RGS7: variants seen among roughly 807,000 people sequenced by gnomAD.
RGS7 encodes the protein regulator of G-protein signaling 7.
A neutral mutation model predicts 81.1 loss-of-function variants in RGS7; 27 were observed. The ratio of observed to expected loss-of-function variants is 0.33; its 90% confidence interval spans 0.25 to 0.46. RGS7 has a LOEUF of 0.46. Among genes scored for constraint, RGS7 ranks in the 20% least tolerant of loss-of-function variants. RGS7 has a pLI of 1.00. For synonymous variants in RGS7, 208 were observed against 207.7 expected (o/e 1.00, Z -0.01); for missense variants, 396 against 607.4 (o/e 0.65, Z 3.66).
At chr1:241,141,747 G>A (rs2067937624) in intron 2 of RGS7, among the ~76,000 whole-genome samples, 1 of 152,066 alleles carries the variant, frequency 6.6e-6, no homozygotes, top group Admixed American at 6.5e-5. Context: ...GATTTGGGTG[G>A]GGATACAGAC....
At chr1:241,085,571 C>T (rs181636486) in intron 3 of RGS7, among the ~76,000 whole-genome samples, 37 of 151,668 alleles carry the variant, frequency 2.4e-4, no homozygotes, top group East Asian at 1.2e-3. Flanking sequence ...ATTATAGGCC[C>T]GCACCATCAT....
chr1:240,882,161 C>G (rs916458716), intron 6 of RGS7, among the ~76,000 whole-genome samples: 1 of 152,126 alleles, frequency 6.6e-6, no homozygotes, highest in African/African-American at 2.4e-5. Flanking sequence ...GTGATCCACC[C>G]GCCTTGGCCT....
At chr1:241,017,684 GGATGTTCTTCTATAGTTTAAGT>G (rs2059331835) in intron 3 of RGS7, among the ~76,000 whole-genome samples, 1 of 151,960 alleles carries the variant, frequency 6.6e-6, no homozygotes, top group Non-Finnish European at 1.5e-5. Flanking sequence ...TAATTCTTAT[GGATGTTCTTCTATAGTTTAAGT>G]GATTTCTATC....
intron 2 of RGS7, among the ~76,000 whole-genome samples, chr1:241,231,311 C>T (rs754831125): frequency 6.6e-6 from 1 of 152,038 alleles, no homozygotes; most frequent in Admixed American, 6.5e-5. Flanking sequence ...ATTAATAGTA[C>T]CCCCTCTAGT....
intron 2 of RGS7, among the ~76,000 whole-genome samples, chr1:241,246,688 G>A (rs1356077856): frequency 6.6e-6 from 1 of 152,036 alleles, no homozygotes; most frequent in African/African-American, 2.4e-5. Flanking sequence ...GAAGCTAAGG[G>A]TCTGGGTATG....
chr1:241,181,982 A>G (rs1428858871), intron 2 of RGS7, among the ~76,000 whole-genome samples: 1 of 152,226 alleles, frequency 6.6e-6, no homozygotes, highest in Non-Finnish European at 1.5e-5. Flanking sequence ...GATGTGAGCC[A>G]TTCCTGGCCT....
intron 3 of RGS7, among the ~76,000 whole-genome samples, chr1:241,073,255 T>C (rs2062587932): frequency 6.6e-6 from 1 of 152,220 alleles, no homozygotes. Context: ...CTTTCGAACA[T>C]TTCTTTATTG....
chr1:240,823,434 G>T (rs1692179455), intron 10 of RGS7: 1 of 351,028 alleles, frequency 2.8e-6, no homozygotes. Flanking sequence ...GATGCCTCAC[G>T]TTATAGTCCA....
intron 3 of RGS7, among the ~76,000 whole-genome samples, chr1:241,058,659 C>G (rs1172533331): frequency 6.6e-6 from 1 of 152,178 alleles, no homozygotes; most frequent in Admixed American, 6.5e-5. Flanking sequence ...CTTATTTCAC[C>G]AGCAGGCTGG....
chr1:240,843,194 AAAAG>A (rs1000456299), intron 9 of RGS7, among the ~76,000 whole-genome samples: 1 of 152,142 alleles, frequency 6.6e-6, no homozygotes, highest in African/African-American at 2.4e-5. Context: ...TAAAAATAAA[AAAAG>A]AAAGAGAAAG....
intron 9 of RGS7, among the ~76,000 whole-genome samples, chr1:240,827,864 CAAAAAAAA>C (rs57562408): frequency 0.012 from 634 of 52,866 alleles, 5 homozygotes; most frequent in East Asian, 0.032. Context: ...AACTCCATTG[CAAAAAAAA>C]AAAAAAAAAA....
Position 240,935,043 on chromosome 1 carries a change from A to C in RGS7, c.333+1557T>G, listed in dbSNP as rs375693131. ...AGCTGGAATTACAGGCACATGCCAC[A>C]ACACCCAGCTAATTTTTTTTGTTTG... On this transcript the variant is annotated intron_variant, in intron 5 of 18. Coordinates refer to ENST00000440928, the MANE Select transcript of RGS7 (RefSeq NM_001364886.1). 2.3e-4 allele frequency among the ~76,000 whole-genome samples: 35 copies of C among 149,590 alleles called. 1 individual carries two copies. The highest frequency in any genetic ancestry group is 2.0e-3 in the East Asian group (10 of 5,126).
intron 3 of RGS7, among the ~76,000 whole-genome samples, chr1:241,081,917 C>T (rs932198263): frequency 1.3e-5 from 2 of 152,160 alleles, no homozygotes; most frequent in African/African-American, 4.8e-5. Context: ...TTTCCCTTTA[C>T]CAAGGCCATC....
rs2078225941 is a variant in RGS7 at position 241,276,986 on chromosome 1, GTC to G, written c.78+78711_78+78712del. On this transcript the variant is annotated intron_variant, in intron 2 of 18. Transcript: ENST00000440928. ...CTTCGTACCTCTGCCCAGAGACAATGTCCATCGTCAGCTTTTAAAATGCATCC... is the reference window on the plus strand; with the variant it reads ...CTTCGTACCTCTGCCCAGAGACAATGCATCGTCAGCTTTTAAAATGCATCC... Among the ~76,000 whole-genome samples, 3 of 152,202 alleles carry G rather than the reference GTC, an allele frequency of 2.0e-5. No homozygotes were observed. In the South Asian group the frequency reaches 6.2e-4, roughly 31 times the overall value.
intron 4 of RGS7, among the ~76,000 whole-genome samples, chr1:240,976,868 CATCT>C (rs3044721): frequency 6.6e-6 from 1 of 150,728 alleles, no homozygotes; most frequent in African/African-American, 2.5e-5. Context: ...TACCATCCAT[CATCT>C]ATCTGTCTAT....
At chr1:240,795,832 GTATT>G (rs1686964314) in intron 18 of RGS7, among the ~76,000 whole-genome samples, 1 of 152,166 alleles carries the variant, frequency 6.6e-6, no homozygotes, top group Non-Finnish European at 1.5e-5. Flanking sequence ...AAATTCTTAA[GTATT>G]TATATTTATT....
chr1:241,212,358 A>T (rs1337978982), intron 2 of RGS7, among the ~76,000 whole-genome samples: 1 of 152,126 alleles, frequency 6.6e-6, no homozygotes, highest in East Asian at 1.9e-4. Flanking sequence ...GTGTCACCTG[A>T]GAGGTGACAC....
intron 6 of RGS7, among the ~76,000 whole-genome samples, chr1:240,879,014 T>C (rs16840932): frequency 0.026 from 3,939 of 152,316 alleles, 179 homozygotes; most frequent in African/African-American, 0.09. Context: ...GTTGTGGCGA[T>C]AGGCACAGTT....
chr1:241,076,342 ACT>A (rs2062799411), intron 3 of RGS7, among the ~76,000 whole-genome samples: 1 of 151,976 alleles, frequency 6.6e-6, no homozygotes, highest in Admixed American at 6.6e-5. Context: ...GACAGGAACA[ACT>A]CTACATTTAA....
Sources: gnomAD v4.1 joint callset for allele counts (sites outside exome capture counted in the v4.1 genomes callset) on GRCh38, gnomAD v4.1.1 for gene constraint, MANE v1.5 for transcripts, NCBI Gene and HGNC (gene_info 2026-07-23, HGNC 2026-07-21) for gene names.